Variants in MGAT4A observed in about 807,000 individuals in gnomAD.
MGAT4A encodes the protein N-acetylglucosaminyltransferase IVa.
Under a neutral mutation model 74.1 loss-of-function variants are expected in MGAT4A, and 33 were observed. The observed-to-expected ratio is 0.45, with a 90% CI of 0.34 to 0.60. The LOEUF is 0.60. Among genes scored for constraint, MGAT4A ranks in the 20% least tolerant of loss-of-function variants. The pLI is 0.02. For synonymous variants in MGAT4A, 198 were observed against 210.4 expected (o/e 0.94, Z 0.51); for missense variants, 479 against 628.3 (o/e 0.76, Z 2.54).
chr2:98,704,570 G>T (rs1379461073), intron 2 of MGAT4A, among the ~76,000 whole-genome samples: 1 of 151,882 alleles, frequency 6.6e-6, no homozygotes, highest in Non-Finnish European at 1.5e-5. Context: ...ATCATACCAC[G>T]GTCCTCCAGC....
intron 12 of MGAT4A, 25 bp from the exon 13 acceptor site, chr2:98,636,620 A>T (rs1399682185): frequency 6.3e-7 from 1 of 1,588,944 alleles, no homozygotes; most frequent in Admixed American, 1.7e-5. Flanking sequence ...ATCAAAATAA[A>T]AACACAAGTC....
chr2:98,639,294 A>C (rs1027135465), intron 12 of MGAT4A, among the ~76,000 whole-genome samples: 1 of 152,164 alleles, frequency 6.6e-6, no homozygotes, highest in African/African-American at 2.4e-5. Context: ...AAAAAAAAAA[A>C]AGGAAGAAAG....
chr2:98,690,602 A>G (rs1313796950), intron 2 of MGAT4A, among the ~76,000 whole-genome samples: 2 of 152,220 alleles, frequency 1.3e-5, no homozygotes, highest in African/African-American at 4.8e-5. Flanking sequence ...CTTGGACACA[A>G]CTGAAAATCA....
rs1701114892 is a variant in MGAT4A, at chr2:98,624,499, AATAAT to A, written c.*1062_*1066del. Reference sequence around the variant, plus strand: ...AAATCATTTTGGAAAATATACTACTAATAATATATTTCACCAAAAAACAATATTAC... The same window carrying A: ...AAATCATTTTGGAAAATATACTACTAATATTTCACCAAAAAACAATATTAC... On this transcript the variant is annotated 3_prime_UTR_variant, in exon 16 of 16. Coordinates refer to ENST00000393487, the MANE Select transcript of MGAT4A (RefSeq NM_012214.3). 3.1e-6 allele frequency: 3 copies of A among 968,950 alleles called. No homozygotes were observed. Among genetic ancestry groups the A allele is most frequent in the Non-Finnish European group, 3.7e-6 (3 of 815,070 alleles). The allele number at this position is 968,950 out of a possible 1,614,324, so 60.0% of individuals were successfully genotyped here.
chr2:98,651,374 A>C (rs1298405008), intron 8 of MGAT4A, among the ~76,000 whole-genome samples: 5 of 152,226 alleles, frequency 3.3e-5, no homozygotes, highest in Non-Finnish European at 7.3e-5. Flanking sequence ...AACAATAATT[A>C]TAAATCTGAG....
chr2:98,647,301 G>A (rs1360246376), intron 8 of MGAT4A, among the ~76,000 whole-genome samples: 4 of 95,666 alleles, frequency 4.2e-5, no homozygotes, highest in African/African-American at 2.8e-4. Context: ...CTGATGTAAT[G>A]TGCTCTTTTT....
intron 2 of MGAT4A, among the ~76,000 whole-genome samples, chr2:98,691,987 C>A: frequency 6.6e-6 from 1 of 152,002 alleles, no homozygotes. Context: ...ATATAAAAAA[C>A]AAAATATTTT....
chr2:98,653,571 T>C (rs958077462), intron 8 of MGAT4A, among the ~76,000 whole-genome samples: 1 of 152,050 alleles, frequency 6.6e-6, no homozygotes, highest in Admixed American at 6.5e-5. Flanking sequence ...AATTGGATAA[T>C]CTACAAGAAA....
chr2:98,687,163 G>A (rs62158009), intron 2 of MGAT4A, among the ~76,000 whole-genome samples: 41,333 of 152,034 alleles, frequency 0.27, 6,114 homozygotes, highest in Non-Finnish European at 0.33. Context: ...GGAAAATTAA[G>A]AACATTTTGT....
intron 6 of MGAT4A, among the ~76,000 whole-genome samples, chr2:98,657,620 A>G (rs1701677858): frequency 6.6e-6 from 1 of 152,194 alleles, no homozygotes; most frequent in South Asian, 2.1e-4. Context: ...TTTAAGTAGA[A>G]GGTATATCTT....
At position 98,643,992 on chromosome 2, in the gene MGAT4A, C is replaced by T. The variant is rs1701449971; in HGVS notation, c.951G>A (p.Lys317=). 6.2e-7 allele frequency: 1 copy of T among 1,603,918 alleles called. No homozygotes were observed. Among genetic ancestry groups the T allele is most frequent in the Non-Finnish European group, 8.5e-7 (1 of 1,173,014 alleles). The change falls in exon 10 of 16, where the codon AAG becomes AAA. Residue 317 remains lysine (K), a synonymous_variant. Coordinates refer to ENST00000393487, the MANE Select transcript of MGAT4A (RefSeq NM_012214.3). The part of the protein sequence containing the change: ...LIVEFIFMFY[K]EKPIDWLLDH... ...CCAGGAGCCAATCAATGGGTTTCTCCTTGTAAAACATGAATATGAATTCTA... is the reference window on the plus strand; with the variant it reads ...CCAGGAGCCAATCAATGGGTTTCTCTTTGTAAAACATGAATATGAATTCTA...
chr2:98,711,552 T>C (rs916763019), intron 2 of MGAT4A, among the ~76,000 whole-genome samples: 7 of 152,164 alleles, frequency 4.6e-5, no homozygotes, highest in African/African-American at 1.7e-4. Flanking sequence ...AGTTTAAATA[T>C]AAATATGGTA....
intron 8 of MGAT4A, among the ~76,000 whole-genome samples, chr2:98,653,469 C>T (rs1701612731): frequency 6.6e-6 from 1 of 150,918 alleles, no homozygotes; most frequent in South Asian, 2.1e-4. Flanking sequence ...ATTCAAATAA[C>T]TAAAAGTAGA....
chr2:98,644,888 C>T (rs1701462952), intron 9 of MGAT4A, among the ~76,000 whole-genome samples: 2 of 152,228 alleles, frequency 1.3e-5, no homozygotes, highest in African/African-American at 4.8e-5. Flanking sequence ...CCCGCCTCGG[C>T]CTCCCAAAGT....
chr2:98,624,997 T>G lies in MGAT4A; in HGVS notation c.*569A>C, dbSNP rs974631469. The stretch of plus-strand genomic sequence containing the variant: ...AAAAATGGCATTGGTTTGTAATGTT[T>G]GCATTTCCAAAGAAAAATATAGAAA... On this transcript the variant is annotated 3_prime_UTR_variant, in exon 16 of 16. Transcript: ENST00000393487. 7 of 984,914 alleles carry G rather than the reference T, an allele frequency of 7.1e-6. No individual in the cohort carries two copies. The highest frequency in any genetic ancestry group is 8.4e-6 in the Non-Finnish European group (7 of 829,216). 61.0% of individuals were successfully genotyped at this position (984,914 alleles called of 1,614,324 possible).
chr2:98,677,217 A>G (rs3769690), intron 3 of MGAT4A, among the ~76,000 whole-genome samples: 5 of 152,326 alleles, frequency 3.3e-5, no homozygotes, highest in African/African-American at 1.2e-4. Flanking sequence ...AGATACTCCT[A>G]AAGTATCCAC....
intron 2 of MGAT4A, among the ~76,000 whole-genome samples, chr2:98,697,780 TCAC>T (rs1413687138): frequency 6.6e-6 from 1 of 152,188 alleles, no homozygotes; most frequent in African/African-American, 2.4e-5. Flanking sequence ...TGAAAGGACT[TCAC>T]CACAACGTTT....
intron 2 of MGAT4A, among the ~76,000 whole-genome samples, chr2:98,717,197 T>G (rs189706735): frequency 6.6e-6 from 1 of 152,014 alleles, no homozygotes; most frequent in Non-Finnish European, 1.5e-5. Flanking sequence ...CTGGCCAACA[T>G]GGTGAAACCC....
In MGAT4A at chr2:98,621,640, G is replaced by C. The variant is rs753492411; in HGVS notation, c.*3926C>G. 2.1e-5 allele frequency: 31 copies of C among 1,466,576 alleles called. No individual in the cohort carries two copies. The highest frequency in any genetic ancestry group is 2.4e-5 in the Non-Finnish European group (27 of 1,106,664). 90.8% of individuals were successfully genotyped at this position (1,466,576 alleles called of 1,614,324 possible). On this transcript the variant is annotated 3_prime_UTR_variant, in exon 16 of 16. Coordinates refer to ENST00000393487, the MANE Select transcript of MGAT4A (RefSeq NM_012214.3). ...GAGGATATTATACAAGGTCATTGGT[G>C]GGGGTGTCAGTAGGGGTCATTCTTA...
Sources: gnomAD v4.1 joint callset for allele counts (sites outside exome capture counted in the v4.1 genomes callset) on GRCh38, gnomAD v4.1.1 for gene constraint, MANE v1.5 for transcripts, NCBI Gene and HGNC (gene_info 2026-07-23, HGNC 2026-07-21) for gene names.